NAALADL2: variants seen among roughly 807,000 people sequenced by gnomAD.
The protein encoded by NAALADL2 is N-acetylated alpha-linked acidic dipeptidase like 2.
Under a neutral mutation model 87.2 loss-of-function variants are expected in NAALADL2, and 76 were observed. The observed-to-expected ratio is 0.87, with a 90% CI of 0.72 to 1.05. The LOEUF is 1.05. NAALADL2 is among the 50% of genes least tolerant of loss of function. NAALADL2 has a pLI of 0.00. For synonymous variants in NAALADL2, 354 were observed against 331.0 expected, an observed-to-expected ratio of 1.07 and a Z score of -0.75; for missense variants, 1,089 against 945.8, an observed-to-expected ratio of 1.15 and a Z score of -1.99.
chr3:175,649,418 A>C (rs1300570443), intron 11 of NAALADL2, among the ~76,000 whole-genome samples: 1 of 152,070 alleles, frequency 6.6e-6, no homozygotes, highest in Non-Finnish European at 1.5e-5. Context: ...AAAAAAAAAA[A>C]AAAAAAATTG....
rs570995240 is a variant in NAALADL2 at position 175,663,402 on chromosome 3, T to C, written c.1896+36016T>C. 1.1e-3 allele frequency among the ~76,000 whole-genome samples: 173 copies of C among 151,892 alleles called. 1 individual carries two copies. The highest frequency in any genetic ancestry group is 3.9e-3 in the African/African-American group (161 of 41,534). ...TATTTCTTTGACAGCAGTTGCAATG[T>C]TTCCTTTTGCCTCTGATTTTATTTG... On this transcript the variant is annotated intron_variant, in intron 11 of 13. Transcript: ENST00000454872.
At chr3:174,593,958 G>A (rs1405365460) in intron 2 of NAALADL2, among the ~76,000 whole-genome samples, 1 of 152,156 alleles carries the variant, frequency 6.6e-6, no homozygotes, top group Non-Finnish European at 1.5e-5. Flanking sequence ...AGTGGTCATT[G>A]CTATTGTGGT....
At chr3:174,721,507 G>T (rs540858226) in intron 2 of NAALADL2, among the ~76,000 whole-genome samples, 1 of 152,152 alleles carries the variant, frequency 6.6e-6, no homozygotes, top group Admixed American at 6.5e-5. Context: ...TTTGAATGGC[G>T]ACTATCCTTA....
intron 3 of NAALADL2, among the ~76,000 whole-genome samples, chr3:174,770,810 T>G (rs1482242566): frequency 2.0e-5 from 3 of 149,302 alleles, no homozygotes; most frequent in Non-Finnish European, 4.4e-5. Flanking sequence ...CTACACTCCA[T>G]GCACTCCAGC....
At chr3:174,611,624 C>G (rs910638756) in intron 2 of NAALADL2, among the ~76,000 whole-genome samples, 2 of 152,136 alleles carry the variant, frequency 1.3e-5, no homozygotes, top group Non-Finnish European at 2.9e-5. Flanking sequence ...CGGAGTCTTG[C>G]TCCATCACCC....
At chr3:174,539,264 T>G (rs990597150) in intron 1 of NAALADL2, among the ~76,000 whole-genome samples, 1 of 152,152 alleles carries the variant, frequency 6.6e-6, no homozygotes, top group African/African-American at 2.4e-5. Context: ...AGCTTTCTTT[T>G]ACACACACAG....
chr3:175,625,521 G>A (rs964700258), intron 10 of NAALADL2, among the ~76,000 whole-genome samples: 21 of 151,934 alleles, frequency 1.4e-4, no homozygotes, highest in African/African-American at 2.2e-4. Context: ...TAAACTGTGC[G>A]TAGTGTTTTT....
At chr3:174,578,170 C>G (rs1715753275) in intron 2 of NAALADL2, among the ~76,000 whole-genome samples, 1 of 151,830 alleles carries the variant, frequency 6.6e-6, no homozygotes, top group Admixed American at 6.6e-5. Context: ...TCTGTATTTG[C>G]TATTTCAGAA....
intron 2 of NAALADL2, among the ~76,000 whole-genome samples, chr3:175,115,990 G>GT (rs1411405160): frequency 6.6e-6 from 1 of 151,806 alleles, no homozygotes; most frequent in Non-Finnish European, 1.5e-5. Context: ...AAAACCACAT[G>GT]TTTATCTCAC....
At chr3:175,587,669 T>C (rs1398088974) in intron 10 of NAALADL2, among the ~76,000 whole-genome samples, 1 of 152,058 alleles carries the variant, frequency 6.6e-6, no homozygotes, top group Non-Finnish European at 1.5e-5. Context: ...GAGAATCCCA[T>C]GCCCTAATGT....
At chr3:175,259,077 T>C (rs1750573430) in intron 4 of NAALADL2, among the ~76,000 whole-genome samples, 1 of 152,302 alleles carries the variant, frequency 6.6e-6, no homozygotes, top group East Asian at 1.9e-4. Context: ...CTGCTTCAGT[T>C]AATTCACAAA....
intron 1 of NAALADL2, among the ~76,000 whole-genome samples, chr3:174,452,143 G>A (rs1001621860): frequency 4.6e-5 from 7 of 152,034 alleles, no homozygotes; most frequent in South Asian, 2.1e-4. Flanking sequence ...AGGCCTGGCC[G>A]ATAGTGGGAG....
chr3:174,987,588 A>C (rs1274162788), intron 1 of NAALADL2, among the ~76,000 whole-genome samples: 99 of 141,960 alleles, frequency 7.0e-4, no homozygotes, highest in Non-Finnish European at 1.1e-3. Context: ...AAAAAAAAAA[A>C]AAAAAAAAAA....
At chr3:175,682,759 G>C (rs1451434311) in intron 11 of NAALADL2, among the ~76,000 whole-genome samples, 1 of 151,378 alleles carries the variant, frequency 6.6e-6, no homozygotes, top group Non-Finnish European at 1.5e-5. Flanking sequence ...TGAACTATAG[G>C]CATATGAATT....
intron 1 of NAALADL2, among the ~76,000 whole-genome samples, chr3:174,948,501 G>A (rs6808950): frequency 0.92 from 140,401 of 152,258 alleles, 64,885 homozygotes; most frequent in East Asian, 1. Context: ...TATGAATGTT[G>A]AATTTATCAG....
At chr3:174,763,148 A>T (rs566809856) in intron 3 of NAALADL2, among the ~76,000 whole-genome samples, 64 of 152,224 alleles carry the variant, frequency 4.2e-4, no homozygotes, top group Admixed American at 1.1e-3. Flanking sequence ...TACTAAAAAA[A>T]AAAGTTCTGT....
rs914556897 is a variant in NAALADL2, at chr3:175,355,312, C to T, written c.1090+30987C>T. ...GAACTCCTGACATCAAGTGATCCAA[C>T]CACCTCAGCCTCCTCCCAAAGTGCT... On this transcript the variant is annotated intron_variant, in intron 5 of 13. Coordinates refer to ENST00000454872, the MANE Select transcript of NAALADL2 (RefSeq NM_207015.3). Among the ~76,000 whole-genome samples, 3 of 152,018 alleles carry T rather than the reference C, an allele frequency of 2.0e-5. No homozygotes were observed. In the South Asian group the frequency reaches 6.2e-4, roughly 31 times the overall value.
intron 6 of NAALADL2, among the ~76,000 whole-genome samples, chr3:175,458,515 A>G (rs1008883325): frequency 4.1e-5 from 6 of 147,712 alleles, no homozygotes; most frequent in African/African-American, 1.5e-4. Context: ...ATAAATTCAT[A>G]TGTTCTCTTG....
chr3:175,039,031 G>A (rs555890764), intron 1 of NAALADL2, among the ~76,000 whole-genome samples: 7 of 152,038 alleles, frequency 4.6e-5, no homozygotes, highest in African/African-American at 9.6e-5. Flanking sequence ...ATGCAGTTGC[G>A]GGCTAGGAGT....
Sources: allele counts gnomAD v4.1 joint callset (sites outside exome capture counted in the v4.1 genomes callset), GRCh38; gene constraint gnomAD v4.1.1; transcripts MANE v1.5; gene names NCBI Gene and HGNC (gene_info 2026-07-23, HGNC 2026-07-21).